The following HYDIN variants were observed in gnomAD, a reference collection of about 807,000 sequenced individuals.
HYDIN encodes HYDIN axonemal central pair apparatus protein.
A neutral mutation model predicts 403.9 loss-of-function variants in HYDIN; 132 were observed. The observed-to-expected ratio is 0.33, with a 90% CI of 0.28 to 0.38. The LOEUF (loss-of-function observed/expected upper bound fraction) is 0.38, where lower values mean the gene tolerates loss of function less well. Ranked by LOEUF, HYDIN falls within the 10% of genes least tolerant of loss-of-function variation. The pLI is 1.00. For missense variants in HYDIN, 2,827 were observed against 5,009.5 expected (o/e 0.56, Z 13.15); for synonymous variants, 1,202 against 1,891.7 (o/e 0.64, Z 9.46).
At chr16:71,196,572 T>G (rs2087706438) in intron 1 of HYDIN, among the ~76,000 whole-genome samples, 1 of 152,054 alleles carries the variant, frequency 6.6e-6, no homozygotes. Flanking sequence ...GTTAGGGGAG[T>G]TTGAACCAGG....
intron 47 of HYDIN, among the ~76,000 whole-genome samples, chr16:70,909,155 TG>T (rs1462334929): frequency 1.3e-5 from 2 of 151,522 alleles, no homozygotes; most frequent in Non-Finnish European, 2.9e-5. Context: ...GTAGCCTTCT[TG>T]GTACCACTAA....
intron 77 of HYDIN, among the ~76,000 whole-genome samples, chr16:70,837,287 T>C (rs2037493278): frequency 6.6e-6 from 1 of 151,648 alleles, no homozygotes; most frequent in Non-Finnish European, 1.5e-5. Context: ...CACATGTCTG[T>C]GTACATTGCT....
At chr16:70,974,411 T>G in intron 32 of HYDIN, 111 bp from the exon 33 acceptor site, 1 of 1,498,422 alleles carries the variant, frequency 6.7e-7, no homozygotes, top group Non-Finnish European at 9.0e-7. Context: ...GATCACTGAA[T>G]AGCCCAAGAA....
At chr16:71,227,162 T>A (rs1002156767) in intron 1 of HYDIN, among the ~76,000 whole-genome samples, 6 of 151,768 alleles carry the variant, frequency 4.0e-5, no homozygotes, top group Non-Finnish European at 4.4e-5. Flanking sequence ...TGTGTGTGTG[T>A]GTATATATAT....
At chr16:70,971,030 C>T (rs563532062) in intron 35 of HYDIN, among the ~76,000 whole-genome samples, 38 of 152,194 alleles carry the variant, frequency 2.5e-4, no homozygotes, top group Non-Finnish European at 5.0e-4. Flanking sequence ...TTGTAGCAAG[C>T]CCTCTGAGTA....
chr16:70,906,208 A>G (rs2076532862), intron 50 of HYDIN, among the ~76,000 whole-genome samples: 2 of 152,292 alleles, frequency 1.3e-5, no homozygotes, highest in East Asian at 3.9e-4. Context: ...TGGGTCCCCA[A>G]TTCTGCCTAA....
chr16:71,192,052 T>C (rs188152810), intron 1 of HYDIN, among the ~76,000 whole-genome samples: 23 of 152,286 alleles, frequency 1.5e-4, no homozygotes, highest in Admixed American at 9.8e-4. Flanking sequence ...ACCCTTCCCA[T>C]ATCACAGATA....
chr16:71,137,140 T>G lies in HYDIN; in HGVS notation c.1043+11A>C. The G allele has an allele frequency of 1.6e-6, 1 of 611,988 alleles. No homozygotes were observed. The highest frequency in any genetic ancestry group is 2.9e-6 in the Non-Finnish European group (1 of 343,426). 37.9% of individuals were successfully genotyped at this position (611,988 alleles called of 1,614,324 possible). On this transcript the variant is annotated intron_variant, in intron 8 of 85. Transcript: ENST00000393567. ...CCAAATTACTGCATATAGGTGATTT[T>G]TGTTACAGACCTATATTTTTCTCTG...
At chr16:70,916,319 C>T (rs1182410581) in intron 47 of HYDIN, among the ~76,000 whole-genome samples, 1 of 152,240 alleles carries the variant, frequency 6.6e-6, no homozygotes, top group Admixed American at 6.5e-5. Context: ...AGGGCCTTTC[C>T]TGCTGCTTCC....
At chr16:71,154,193 AC>A (rs1009789618) in intron 6 of HYDIN, among the ~76,000 whole-genome samples, 1 of 149,648 alleles carries the variant, frequency 6.7e-6, no homozygotes, top group Non-Finnish European at 1.5e-5. Context: ...GGTGCTCCCT[AC>A]TGTGAGCAAT....
intron 77 of HYDIN, among the ~76,000 whole-genome samples, chr16:70,836,116 G>A (rs2037408479): frequency 6.6e-6 from 1 of 152,172 alleles, no homozygotes; most frequent in Non-Finnish European, 1.5e-5. Context: ...TAGGCTAGGG[G>A]GCTCAGGGGG....
chr16:71,041,540 C>A (rs2081287541), intron 18 of HYDIN, among the ~76,000 whole-genome samples: 1 of 151,356 alleles, frequency 6.6e-6, no homozygotes, highest in African/African-American at 2.4e-5. Context: ...TAAAAATGAT[C>A]TGTAGACGAA....
chr16:70,965,754 G>A (rs1774275), intron 36 of HYDIN, among the ~76,000 whole-genome samples: 73,836 of 150,026 alleles, frequency 0.49, 19,022 homozygotes, highest in African/African-American at 0.63. Flanking sequence ...ACTGCTAATA[G>A]GCTCCATGTA....
chr16:70,886,507 A>C (rs1327845084), intron 58 of HYDIN, among the ~76,000 whole-genome samples: 1 of 151,846 alleles, frequency 6.6e-6, no homozygotes, highest in Non-Finnish European at 1.5e-5. Flanking sequence ...ATTGCTTACC[A>C]TGTTTTTTTC....
chr16:70,852,692 A>C (rs1361960153), intron 73 of HYDIN: 1 of 152,090 alleles, frequency 6.6e-6, no homozygotes, highest in Non-Finnish European at 1.5e-5. Flanking sequence ...GAAAACAAGC[A>C]CATATGTGTT....
At chr16:70,824,915 C>A (rs2036497497) in intron 83 of HYDIN, among the ~76,000 whole-genome samples, 1 of 151,572 alleles carries the variant, frequency 6.6e-6, no homozygotes, top group African/African-American at 2.4e-5. Context: ...AGTGGTGTCA[C>A]CTCAGCTCAC....
At chr16:71,092,793 C>T (rs918080532) in intron 11 of HYDIN, among the ~76,000 whole-genome samples, 7 of 138,950 alleles carry the variant, frequency 5.0e-5, no homozygotes, top group Non-Finnish European at 9.1e-5. Context: ...ATTGGCCAGG[C>T]TGGTCTTGAA....
At chr16:71,007,444 C>T (rs1212587581) in intron 23 of HYDIN, among the ~76,000 whole-genome samples, 1 of 151,984 alleles carries the variant, frequency 6.6e-6, no homozygotes, top group African/African-American at 2.4e-5. Flanking sequence ...AAAAATTGGG[C>T]TTTGATATGT....
At chr16:71,153,448 G>T (rs2085624155) in intron 6 of HYDIN, among the ~76,000 whole-genome samples, 1 of 151,270 alleles carries the variant, frequency 6.6e-6, no homozygotes, top group African/African-American at 2.4e-5. Flanking sequence ...TGGAGAGAAG[G>T]CATGGTTTTT....
Sources: gnomAD v4.1 joint callset for allele counts (sites outside exome capture counted in the v4.1 genomes callset) on GRCh38, gnomAD v4.1.1 for gene constraint, MANE v1.5 for transcripts, NCBI Gene and HGNC (gene_info 2026-07-23, HGNC 2026-07-21) for gene names.